MRPS28: variants seen among roughly 807,000 people sequenced by gnomAD.
The protein encoded by MRPS28 is mitochondrial ribosomal protein S28, also known as small ribosomal subunit protein bS1m.
Under a neutral mutation model 10.8 loss-of-function variants are expected in MRPS28, and 7 were observed. That is an observed-to-expected ratio of 0.65 (90% confidence interval 0.37 to 1.22). MRPS28 has a LOEUF of 1.22. Among genes scored for constraint, MRPS28 ranks in the 50% most tolerant of loss-of-function variants. MRPS28 has a pLI of 0.02. For missense variants in MRPS28, 265 were observed against 232.9 expected (o/e 1.14, Z -0.90); for synonymous variants, 121 against 93.3 (o/e 1.30, Z -1.71).
At chr8:79,973,034 C>T (rs1807678132) in intron 2 of MRPS28, among the ~76,000 whole-genome samples, 1 of 152,146 alleles carries the variant, frequency 6.6e-6, no homozygotes, top group Non-Finnish European at 1.5e-5. Context: ...GATAGGTATT[C>T]AACAGGGCAA....
chr8:80,005,994 A>T (rs1267877361), intron 1 of MRPS28, among the ~76,000 whole-genome samples: 1 of 152,238 alleles, frequency 6.6e-6, no homozygotes, highest in Non-Finnish European at 1.5e-5. Context: ...GCAAGTCCTT[A>T]GAGACCTACA....
intron 2 of MRPS28, among the ~76,000 whole-genome samples, chr8:79,970,433 G>A (rs1376662469): frequency 6.6e-6 from 1 of 152,152 alleles, no homozygotes; most frequent in African/African-American, 2.4e-5. Context: ...CAACACAGAG[G>A]ATAGTTGGTA....
At chr8:80,012,467 TCTAAA>T (rs1052298646) in intron 1 of MRPS28, among the ~76,000 whole-genome samples, 7 of 152,212 alleles carry the variant, frequency 4.6e-5, no homozygotes, top group African/African-American at 7.2e-5. Flanking sequence ...TTATAAAGTC[TCTAAA>T]CTAACATTGA....
At chr8:79,961,579 G>T (rs1586061160) in intron 2 of MRPS28, among the ~76,000 whole-genome samples, 1 of 152,060 alleles carries the variant, frequency 6.6e-6, no homozygotes, top group East Asian at 1.9e-4. Flanking sequence ...AATTATCATG[G>T]ATACACAGGA....
At chr8:79,998,890 C>A (rs915824715) in intron 2 of MRPS28, among the ~76,000 whole-genome samples, 2 of 151,956 alleles carry the variant, frequency 1.3e-5, no homozygotes, top group Non-Finnish European at 2.9e-5. Context: ...TCTGAAATGC[C>A]AAACTTACTT....
At chr8:79,988,696 AACAG>A (rs1297402053) in intron 2 of MRPS28, among the ~76,000 whole-genome samples, 3 of 152,222 alleles carry the variant, frequency 2.0e-5, no homozygotes, top group Admixed American at 6.5e-5. Flanking sequence ...TGATTTTTAA[AACAG>A]ACAGCTCCAA....
intron 2 of MRPS28, among the ~76,000 whole-genome samples, chr8:79,966,660 A>G (rs1807510733): frequency 6.6e-6 from 1 of 152,174 alleles, no homozygotes; most frequent in Non-Finnish European, 1.5e-5. Context: ...CATGAACGAT[A>G]TAACAGCATG....
At chr8:80,002,921 C>T (rs758241418) in intron 2 of MRPS28, 78 bp downstream of exon 2, 1 of 1,188,246 alleles carries the variant, frequency 8.4e-7, no homozygotes, top group Non-Finnish European at 1.2e-6. Context: ...CAAAAAATCA[C>T]CTTTCATTCA....
chr8:79,931,660 C>T (rs992878635), intron 2 of MRPS28, among the ~76,000 whole-genome samples: 2 of 152,112 alleles, frequency 1.3e-5, no homozygotes, highest in Non-Finnish European at 2.9e-5. Flanking sequence ...CAATGAAAGT[C>T]CAGTCAGGAT....
At chr8:79,933,819 CA>C (rs1278567019) in intron 2 of MRPS28, among the ~76,000 whole-genome samples, 1 of 152,146 alleles carries the variant, frequency 6.6e-6, no homozygotes. Flanking sequence ...AGACCCACCC[CA>C]AAATATAAAC....
rs187288084 is a variant in MRPS28, at chr8:79,967,742, G to A, written c.395+35257C>T. 1.1e-4 allele frequency among the ~76,000 whole-genome samples: 17 copies of A among 152,132 alleles called. No homozygotes were observed. The East Asian group carries it at 3.3e-3, about 29-fold the overall frequency. ...CTATTTGGCACTGGACAAAGGTGTG[G>A]AGGGTAGATTTCCTCAAGTAGCAAA... On this transcript the variant is annotated intron_variant, in intron 2 of 2. Coordinates refer to ENST00000276585, the MANE Select transcript of MRPS28 (RefSeq NM_014018.3).
At chr8:79,989,145 G>C (rs1808281610) in intron 2 of MRPS28, among the ~76,000 whole-genome samples, 1 of 152,134 alleles carries the variant, frequency 6.6e-6, no homozygotes, top group South Asian at 2.1e-4. Context: ...ACTGATGAAT[G>C]AACGGTAATT....
chr8:79,947,886 C>T (rs2129957676), intron 2 of MRPS28, among the ~76,000 whole-genome samples: 1 of 151,664 alleles, frequency 6.6e-6, no homozygotes, highest in South Asian at 2.1e-4. Context: ...ATCCGCCTGC[C>T]TCGGCCTCCC....
intron 2 of MRPS28, among the ~76,000 whole-genome samples, chr8:79,923,770 GC>G (rs2129856812): frequency 6.6e-6 from 1 of 152,258 alleles, no homozygotes; most frequent in Non-Finnish European, 1.5e-5. Flanking sequence ...TTCAATCTCA[GC>G]CTTTACCAAG....
chr8:79,947,445 C>G (rs1806948166), intron 2 of MRPS28, among the ~76,000 whole-genome samples: 2 of 151,876 alleles, frequency 1.3e-5, no homozygotes, highest in African/African-American at 4.8e-5. Context: ...TTTTTAAAAT[C>G]CTACTATGAT....
intron 2 of MRPS28, among the ~76,000 whole-genome samples, chr8:79,984,256 A>G (rs937741183): frequency 2.6e-5 from 4 of 152,360 alleles, no homozygotes; most frequent in Admixed American, 2.0e-4. Context: ...GCCTGCCCTA[A>G]AAGAGCTCCT....
chr8:79,946,658 C>T lies in MRPS28; in HGVS notation c.396-27510G>A, dbSNP rs143040285. On this transcript the variant is annotated intron_variant, in intron 2 of 2. Coordinates refer to ENST00000276585, the MANE Select transcript of MRPS28 (RefSeq NM_014018.3). The stretch of plus-strand genomic sequence containing the variant: ...CTGAGTGGTAGGATTTTGTTCTTTT[C>T]GCTCCTGTGTGATTTCTAAATTTTC... Among the ~76,000 whole-genome samples, 234 of 152,128 alleles carry T rather than the reference C, an allele frequency of 1.5e-3. No homozygotes were observed. The East Asian group carries it at 0.016, about 11-fold the overall frequency.
chr8:80,020,162 G>A (rs1010952976), intron 1 of MRPS28, among the ~76,000 whole-genome samples: 1 of 152,214 alleles, frequency 6.6e-6, no homozygotes, highest in African/African-American at 2.4e-5. Context: ...CAATAGAAAG[G>A]AATGTCTGCG....
At chr8:79,955,869 C>T (rs1369746701) in intron 2 of MRPS28, among the ~76,000 whole-genome samples, 1 of 152,128 alleles carries the variant, frequency 6.6e-6, no homozygotes, top group East Asian at 1.9e-4. Context: ...TTAGTTATCA[C>T]TGGACAGTAC....
Sources: gnomAD v4.1 joint callset for allele counts (sites outside exome capture counted in the v4.1 genomes callset) on GRCh38, gnomAD v4.1.1 for gene constraint, MANE v1.5 for transcripts, NCBI Gene and HGNC (gene_info 2026-07-23, HGNC 2026-07-21) for gene names.